Variants in CACNA1A observed in about 807,000 individuals in gnomAD.
CACNA1A encodes calcium voltage-gated channel subunit alpha1 A.
Under a neutral mutation model 262.4 loss-of-function variants are expected in CACNA1A, and 57 were observed. That is an observed-to-expected ratio of 0.22 (90% confidence interval 0.18 to 0.27). The LOEUF is 0.27. CACNA1A is among the 10% of genes least tolerant of loss of function. CACNA1A has a pLI of 1.00. For missense variants in CACNA1A, 2,526 were observed against 3,562.8 expected (o/e 0.71, Z 7.41); for synonymous variants, 1,431 against 1,419.3 (o/e 1.01, Z -0.18).
intron 3 of CACNA1A, among the ~76,000 whole-genome samples, chr19:13,442,031 G>A (rs927863351): frequency 1.3e-5 from 2 of 152,182 alleles, no homozygotes; most frequent in Non-Finnish European, 2.9e-5. Context: ...AGGGAGGGAA[G>A]AGAACATTTT....
chr19:13,266,659 C>T (rs931954646), intron 24 of CACNA1A, among the ~76,000 whole-genome samples: 2 of 152,096 alleles, frequency 1.3e-5, no homozygotes, highest in Admixed American at 1.3e-4. Context: ...CTGCAACCTC[C>T]ACCTCCCAGG....
intron 3 of CACNA1A, among the ~76,000 whole-genome samples, chr19:13,423,740 C>G (rs927304739): frequency 1.3e-5 from 2 of 151,980 alleles, no homozygotes; most frequent in African/African-American, 4.8e-5. Context: ...GTCTCAAACT[C>G]TTGAGCTCAA....
chr19:13,450,252 G>A (rs1381625455), intron 3 of CACNA1A: 1 of 151,866 alleles, frequency 6.6e-6, no homozygotes, highest in Non-Finnish European at 1.5e-5. Context: ...CTAGCCATGT[G>A]GGTCTTCTTA....
intron 22 of CACNA1A, among the ~76,000 whole-genome samples, chr19:13,279,965 C>T (rs150149864): frequency 5.9e-5 from 9 of 152,034 alleles, no homozygotes; most frequent in East Asian, 3.9e-4. Flanking sequence ...TGTGTTACCA[C>T]GCCCAGATAA....
chr19:13,446,447 T>C (rs993809238), intron 3 of CACNA1A, among the ~76,000 whole-genome samples: 1 of 145,430 alleles, frequency 6.9e-6, no homozygotes, highest in Non-Finnish European at 1.5e-5. Context: ...TCTTTCTTTT[T>C]TTTTTTTTTT....
chr19:13,321,415 C>A (rs996607980), intron 10 of CACNA1A, among the ~76,000 whole-genome samples: 5 of 152,066 alleles, frequency 3.3e-5, no homozygotes, highest in Admixed American at 2.6e-4. Flanking sequence ...AATTTATATA[C>A]GCTTAAAATT....
intron 3 of CACNA1A, among the ~76,000 whole-genome samples, chr19:13,393,795 T>TTCCTTCCC (rs2059761011): frequency 3.8e-5 from 3 of 78,896 alleles, no homozygotes; most frequent in Non-Finnish European, 5.1e-5. Context: ...CCTTCCTTCC[T>TTCCTTCCC]TCCCTCCCTC....
intron 1 of CACNA1A, among the ~76,000 whole-genome samples, chr19:13,486,468 C>A (rs886457655): frequency 6.6e-6 from 1 of 151,914 alleles, no homozygotes; most frequent in Non-Finnish European, 1.5e-5. Flanking sequence ...GACACATACA[C>A]CAACCAACAG....
chr19:13,305,857 C>T (rs1054096013), intron 15 of CACNA1A, among the ~76,000 whole-genome samples: 2 of 152,052 alleles, frequency 1.3e-5, no homozygotes, highest in South Asian at 2.1e-4. Flanking sequence ...GCCAGGAGTT[C>T]GAGACCAGCC....
intron 6 of CACNA1A, among the ~76,000 whole-genome samples, chr19:13,346,358 G>A (rs2058764019): frequency 6.6e-6 from 1 of 151,720 alleles, no homozygotes; most frequent in South Asian, 2.1e-4. Context: ...CTCGGCTGCT[G>A]TTCCCTGAGA....
Position 13,433,339 on chromosome 19 carries a change from T to C in CACNA1A, c.539+19537A>G, listed in dbSNP as rs535755971. ...ACCCAGGCATCATGGCGTGTGCCCATAGTCCTAGCTACTCAGGAGGCTGAC... is the reference window on the plus strand; with the variant it reads ...ACCCAGGCATCATGGCGTGTGCCCACAGTCCTAGCTACTCAGGAGGCTGAC... On this transcript the variant is annotated intron_variant, in intron 3 of 46. Transcript: ENST00000360228. Among the ~76,000 whole-genome samples, 15 of 147,718 alleles carry C rather than the reference T, an allele frequency of 1.0e-4. No individual in the cohort carries two copies. In the South Asian group the frequency reaches 2.8e-3, roughly 28 times the overall value.
chr19:13,426,248 A>G (rs2060400615), intron 3 of CACNA1A, among the ~76,000 whole-genome samples: 1 of 152,234 alleles, frequency 6.6e-6, no homozygotes, highest in Non-Finnish European at 1.5e-5. Flanking sequence ...TTCGCATATT[A>G]TGGGCTTTTT....
intron 3 of CACNA1A, among the ~76,000 whole-genome samples, chr19:13,376,426 A>G (rs897870793): frequency 3.3e-5 from 5 of 152,020 alleles, no homozygotes; most frequent in African/African-American, 9.7e-5. Flanking sequence ...ATTATGCTGA[A>G]TCTACTCTGC....
chr19:13,337,883 T>C (rs1355828632), intron 6 of CACNA1A, among the ~76,000 whole-genome samples: 4 of 152,188 alleles, frequency 2.6e-5, no homozygotes, highest in African/African-American at 9.7e-5. Context: ...TGTTATTCTA[T>C]GGAATACTGT....
At position 13,308,017 on chromosome 19, in the gene CACNA1A, T is replaced by C; in HGVS notation, c.1913+103A>G. ...TGCCCATTTGGGTGACCGCAATGGG[T>C]GTCTGGGCTACGAGGAAGGCAGCCT... is the stretch of plus-strand genomic sequence containing the variant. On this transcript the variant is annotated intron_variant, in intron 14 of 46. Transcript: ENST00000360228. This position sits in a 1 kb window ranked among gnomAD's most constrained non-coding sequence, Gnocchi z 4.2. 5 of 1,498,490 alleles carry C rather than the reference T, an allele frequency of 3.3e-6. No homozygotes were observed. The highest frequency in any genetic ancestry group is 3.7e-6 in the Non-Finnish European group (4 of 1,092,392). The allele number at this position is 1,498,490 out of a possible 1,614,324, so 92.8% of individuals were successfully genotyped here. A position where few individuals can be genotyped will look rare whatever the true frequency, so the allele number is the denominator to read the frequency against.
intron 34 of CACNA1A, among the ~76,000 whole-genome samples, chr19:13,232,859 A>G (rs2055721033): frequency 6.6e-6 from 1 of 150,702 alleles, no homozygotes; most frequent in Non-Finnish European, 1.5e-5. Flanking sequence ...GAACGGCCTG[A>G]CCAACATGGC....
At chr19:13,307,986 G>C (rs1200611759) in intron 14 of CACNA1A, 132 bp from the exon 15 acceptor site, 1 of 1,395,554 alleles carries the variant, frequency 7.2e-7, no homozygotes, top group Non-Finnish European at 1.0e-6. Context: ...GTGGTACCCA[G>C]GGCCCTGCCC....
chr19:13,466,320 T>C (rs2061237516), intron 1 of CACNA1A, among the ~76,000 whole-genome samples: 2 of 151,572 alleles, frequency 1.3e-5, no homozygotes, highest in Non-Finnish European at 2.9e-5. Context: ...TTTTTTTTTT[T>C]TTCCTTTTCT....
In CACNA1A at chr19:13,307,686, AAGG is replaced by A. The variant is rs537952068; in HGVS notation, c.1986+93_1986+95del. The A allele has an allele frequency of 1.1e-3, 1,068 of 949,750 alleles. 9 individuals are homozygous for A. Among genetic ancestry groups the A allele is most frequent in the South Asian group, 5.4e-3 (380 of 70,606 alleles). The allele number at this position is 949,750 out of a possible 1,614,324, so 58.8% of individuals were successfully genotyped here. On this transcript the variant is annotated intron_variant, in intron 15 of 46. Transcript: ENST00000360228. ...AGTGGTGTGAAAAGGCCAGGTAGAG[AAGG>A]AGGAGTTCAGGGAAGCCCCTTGGAT...
Sources: allele counts gnomAD v4.1 joint callset (sites outside exome capture counted in the v4.1 genomes callset), GRCh38; gene constraint gnomAD v4.1.1; non-coding constraint Gnocchi (gnomAD v3.1); transcripts MANE v1.5; gene names NCBI Gene and HGNC (gene_info 2026-07-23, HGNC 2026-07-21).